CCNH: variants seen among roughly 807,000 people sequenced by gnomAD.
The protein encoded by CCNH is cyclin-H.
In CCNH, 31 loss-of-function variants were observed where a neutral mutation model predicts 41.9. The ratio of observed to expected loss-of-function variants is 0.74; its 90% CI spans 0.56 to 1.00. The LOEUF (loss-of-function observed/expected upper bound fraction) is 1.00, where lower values mean the gene tolerates loss of function less well. Among genes scored for constraint, CCNH ranks in the 50% least tolerant of loss-of-function variants. The pLI is 0.00. For synonymous variants in CCNH, 138 were observed against 136.1 expected (o/e 1.01, Z -0.10); for missense variants, 362 against 388.4 (o/e 0.93, Z 0.57).
At chr5:87,395,932 AACAAT>A (rs1762921004) in intron 7 of CCNH, among the ~76,000 whole-genome samples, 1 of 151,974 alleles carries the variant, frequency 6.6e-6, no homozygotes, top group Non-Finnish European at 1.5e-5. Context: ...AGTTGTGAAA[AACAAT>A]AGAATATATC....
chr5:87,362,626 G>A lies in CCNH; in HGVS notation c.*90+30144C>T, dbSNP rs144748261. 10 of 1,600,002 alleles carry A rather than the reference G, an allele frequency of 6.2e-6. No homozygotes were observed. The African/African-American group carries it at 1.2e-4, about 19-fold the overall frequency. On this transcript the variant is annotated intron_variant and NMD_transcript_variant, in intron 9 of 9. Transcript: ENST00000645953. ...TACCATCCGTCGTAAAACAAAGGATGCCTTTTATAAAAACATTGTTAAGAA... is the reference window on the plus strand; with the variant it reads ...TACCATCCGTCGTAAAACAAAGGATACCTTTTATAAAAACATTGTTAAGAA...
downstream of CCNH, among the ~76,000 whole-genome samples, chr5:87,373,080 G>T (rs192040919): frequency 5.9e-5 from 9 of 152,226 alleles, no homozygotes; most frequent in East Asian, 1.5e-3. Context: ...TGTATTTTGT[G>T]TGAAACTTGA....
rs1032207786 is a variant in CCNH, at chr5:87,401,634, A to G, written c.760+68T>C. On this transcript the variant is annotated intron_variant, in intron 6 of 8. Transcript: ENST00000256897. ...TCTGTTATATTTCTAGTTAAACACCAAGAGATTTATTTAGAAAGGAGCTTT... is the reference window on the plus strand; with the variant it reads ...TCTGTTATATTTCTAGTTAAACACCGAGAGATTTATTTAGAAAGGAGCTTT... 6 of 940,178 alleles carry G rather than the reference A, an allele frequency of 6.4e-6. No individual in the cohort carries two copies. The African/African-American group carries it at 8.4e-5, about 13-fold the overall frequency. 58.2% of individuals were successfully genotyped at this position (940,178 alleles called of 1,614,324 possible). A position where few individuals can be genotyped will look rare whatever the true frequency, so the allele number is the denominator to read the frequency against.
At chr5:87,398,374 C>A (rs1763128067) in intron 7 of CCNH, among the ~76,000 whole-genome samples, 1 of 152,062 alleles carries the variant, frequency 6.6e-6, no homozygotes, top group African/African-American at 2.4e-5. Context: ...AGAAATAATA[C>A]CTCAAATACA....
intron 9 of CCNH, among the ~76,000 whole-genome samples, chr5:87,354,208 C>A (rs1759485071): frequency 6.6e-6 from 1 of 152,094 alleles, no homozygotes; most frequent in African/African-American, 2.4e-5. Flanking sequence ...AATCTTGTCA[C>A]ATTTTAACAT....
downstream of CCNH, chr5:87,389,592 T>C (rs1342235017): frequency 3.8e-6 from 6 of 1,576,384 alleles, no homozygotes; most frequent in Admixed American, 1.7e-5. Flanking sequence ...AGTTAATAAA[T>C]AGCTGAATTC....
intron 9 of CCNH, among the ~76,000 whole-genome samples, chr5:87,346,118 G>A (rs917893821): frequency 1.3e-5 from 2 of 151,944 alleles, no homozygotes; most frequent in Non-Finnish European, 2.9e-5. Context: ...AGTTTGATAG[G>A]CTGTTAGCTC....
chr5:87,407,987 T>C lies in CCNH; in HGVS notation c.514A>G (p.Ile172Val). Residue 172 changes from isoleucine (I) to valine (V), a missense_variant, in exon 4 of 9, where the codon ATC (isoleucine) becomes GTC (valine). By Grantham distance (29) the Ile-to-Val change is conservative. Transcript: ENST00000256897. ...TACATCAAGTTTACCTTTAAGTCGA[T>C]GAGGAAGCCCTCAAATGGTCTGTAA... ...NPYRPFEGFL[I>V]DLKTRYPILE... 6.2e-7 allele frequency: 1 copy of C among 1,610,228 alleles called. No individual in the cohort carries two copies. Among genetic ancestry groups the C allele is most frequent in the South Asian group, 1.1e-5 (1 of 91,000 alleles).
intron 9 of CCNH, among the ~76,000 whole-genome samples, chr5:87,357,498 G>A (rs969254884): frequency 3.3e-5 from 5 of 151,936 alleles, no homozygotes; most frequent in Admixed American, 3.3e-4. Flanking sequence ...TTTAAGTTTT[G>A]ATCAAGACCA....
intron 9 of CCNH, among the ~76,000 whole-genome samples, chr5:87,339,220 A>G (rs1191708058): frequency 6.6e-6 from 1 of 152,150 alleles, no homozygotes; most frequent in East Asian, 1.9e-4. Flanking sequence ...TGGCAACCAA[A>G]TCTTGATCCA....
intron 6 of CCNH, among the ~76,000 whole-genome samples, chr5:87,399,937 T>C (rs1763271155): frequency 6.6e-6 from 1 of 152,238 alleles, no homozygotes; most frequent in Non-Finnish European, 1.5e-5. Context: ...GAAACTGTTA[T>C]TACACAACAT....
chr5:87,349,112 A>C (rs1419953224), intron 9 of CCNH: 2 of 1,366,452 alleles, frequency 1.5e-6, no homozygotes, highest in South Asian at 1.3e-5. Context: ...GTGAAAATTT[A>C]CATATGTTTA....
At chr5:87,374,729 GTT>G (rs200643915), downstream of CCNH, 23 of 1,151,434 alleles carry the variant, frequency 2.0e-5, no homozygotes, top group Admixed American at 4.9e-5. Context: ...CTAGCACACT[GTT>G]TTTTTTTTTA....
At chr5:87,348,892 T>C (rs1759054966) in intron 9 of CCNH, among the ~76,000 whole-genome samples, 1 of 152,034 alleles carries the variant, frequency 6.6e-6, no homozygotes, top group South Asian at 2.1e-4. Context: ...TTAGCCAGTA[T>C]TCCCTAACTA....
intron 9 of CCNH, among the ~76,000 whole-genome samples, chr5:87,357,643 T>G (rs953760458): frequency 2.6e-5 from 4 of 151,966 alleles, no homozygotes; most frequent in Non-Finnish European, 5.9e-5. Flanking sequence ...AGGTGGAGGT[T>G]GCAGTGAGCC....
chr5:87,333,422 A>G, intron 9 of CCNH: 1 of 1,563,828 alleles, frequency 6.4e-7, no homozygotes. Flanking sequence ...GAAGCTTTTG[A>G]AATTTGAAGA....
chr5:87,374,827 C>T, downstream of CCNH: 1 of 1,607,728 alleles, frequency 6.2e-7, no homozygotes. Flanking sequence ...TCTTTTTCTC[C>T]TTGCTCCTTT....
downstream of CCNH, among the ~76,000 whole-genome samples, chr5:87,373,007 T>C (rs2112482023): frequency 6.6e-6 from 1 of 152,310 alleles, no homozygotes; most frequent in East Asian, 1.9e-4. Flanking sequence ...CATGTCTTCA[T>C]AACATTGTAA....
chr5:87,369,786 C>T, intron 9 of CCNH: 3 of 1,530,954 alleles, frequency 2.0e-6, no homozygotes, highest in Non-Finnish European at 2.7e-6. Context: ...ATTAAGCTTC[C>T]TAATAATTTT....
Sources: allele counts gnomAD v4.1 joint callset (sites outside exome capture counted in the v4.1 genomes callset), GRCh38; gene constraint gnomAD v4.1.1; transcripts MANE v1.5; gene names NCBI Gene and HGNC (gene_info 2026-07-23, HGNC 2026-07-21).